Variants in TENM3 observed in about 807,000 individuals in gnomAD.
TENM3 encodes teneurin-3.
Under a neutral mutation model 255.1 loss-of-function variants are expected in TENM3, and 63 were observed. The observed-to-expected ratio is 0.25, with a 90% CI of 0.20 to 0.30. TENM3 has a LOEUF of 0.30. TENM3 is among the 10% of genes least tolerant of loss of function. TENM3 has a pLI of 1.00. For synonymous variants in TENM3, 1,306 were observed against 1,322.3 expected, an observed-to-expected ratio of 0.99 and a Z score of 0.27; for missense variants, 2,929 against 3,461.1, an observed-to-expected ratio of 0.85 and a Z score of 3.86.
chr4:181,933,365 T>G, the TENM3 span, among the ~76,000 whole-genome samples: 1 of 152,322 alleles, frequency 6.6e-6, no homozygotes, highest in East Asian at 1.9e-4. Flanking sequence ...GCCAATCATC[T>G]ACTAAATGCA....
the TENM3 span, among the ~76,000 whole-genome samples, chr4:181,849,949 T>TCTCTCTCTCTCTCTCACACACACACACA: frequency 1.4e-4 from 9 of 65,964 alleles, no homozygotes; most frequent in Admixed American, 3.8e-4. Context: ...TCTCTCTCTC[T>TCTCTCTCTCTCTCTCACACACACACACA]CACACACACA....
At chr4:181,622,165 A>G in the TENM3 span, among the ~76,000 whole-genome samples, 1 of 152,116 alleles carries the variant, frequency 6.6e-6, no homozygotes, top group Non-Finnish European at 1.5e-5. Context: ...GATGTCCTAC[A>G]TGGTCAACTG....
chr4:182,175,611 G>A (rs1014680733), intron 1 of TENM3, among the ~76,000 whole-genome samples: 1 of 152,142 alleles, frequency 6.6e-6, no homozygotes, highest in African/African-American at 2.4e-5. Flanking sequence ...GGTTTTGACT[G>A]TCTTATTGTC....
At chr4:181,536,097 T>G in the TENM3 span, among the ~76,000 whole-genome samples, 1 of 152,218 alleles carries the variant, frequency 6.6e-6, no homozygotes, top group Admixed American at 6.5e-5. Flanking sequence ...CTCCGACTTG[T>G]TTGCTACTGA....
chr4:182,683,073 G>A (rs1335990180), intron 11 of TENM3, among the ~76,000 whole-genome samples: 1 of 152,110 alleles, frequency 6.6e-6, no homozygotes, highest in Non-Finnish European at 1.5e-5. Context: ...TTGGCTAGGT[G>A]AACAGTATTA....
chr4:181,891,479 C>T, the TENM3 span, among the ~76,000 whole-genome samples: 1 of 152,166 alleles, frequency 6.6e-6, no homozygotes, highest in Admixed American at 6.5e-5. Flanking sequence ...CTTGGCTTCT[C>T]TTAGCCATCC....
At chr4:182,123,893 C>T in the TENM3 span, among the ~76,000 whole-genome samples, 844 of 152,154 alleles carry the variant, frequency 5.5e-3, 7 homozygotes, top group African/African-American at 0.019. Context: ...AGAGTGACAG[C>T]GTGGGGGAGT....
the TENM3 span, among the ~76,000 whole-genome samples, chr4:181,613,603 C>T: frequency 6.6e-6 from 1 of 152,164 alleles, no homozygotes; most frequent in South Asian, 2.1e-4. Context: ...TATTATGTCT[C>T]TCTGCCTCAG....
the TENM3 span, among the ~76,000 whole-genome samples, chr4:181,563,155 C>G: frequency 6.6e-6 from 1 of 152,194 alleles, no homozygotes; most frequent in African/African-American, 2.4e-5. Flanking sequence ...CATTGCCTCA[C>G]AGTTTTGGGG....
intron 3 of TENM3, among the ~76,000 whole-genome samples, chr4:182,535,626 A>G (rs1740225757): frequency 6.6e-6 from 1 of 151,884 alleles, no homozygotes; most frequent in African/African-American, 2.4e-5. Context: ...CTGCCGTCCT[A>G]CTACTCCAGA....
chr4:182,680,347 G>A lies in TENM3; in HGVS notation c.1637G>A (p.Arg546Lys). The change falls in exon 9 of 28, where the codon AGA (arginine) becomes AAA (lysine). Residue 546 changes from arginine to lysine, a missense_variant and splice_region_variant. Arg to Lys is a conservative substitution (Grantham distance 26). This residue lies in a region of TENM3 where 1,608 missense variants were observed against 1,884.4 expected (regional missense o/e 0.85). Transcript: ENST00000511685. ...FPGFLGPDCS[R>K]AACPVLCSGN... ...GGATTTCTGGGTCCGGATTGTTCAAGAGGTATGCAAGTTAGATTCTTCTCT... is the reference window on the plus strand; with the variant it reads ...GGATTTCTGGGTCCGGATTGTTCAAAAGGTATGCAAGTTAGATTCTTCTCT... 1 of 1,597,982 alleles carries A rather than the reference G, an allele frequency of 6.3e-7. No individual in the cohort carries two copies. The highest frequency in any genetic ancestry group is 2.2e-5 in the East Asian group (1 of 44,544).
intron 1 of TENM3, among the ~76,000 whole-genome samples, chr4:182,156,458 G>T (rs13116933): frequency 0.043 from 6,595 of 151,964 alleles, 179 homozygotes; most frequent in Non-Finnish European, 0.069. Context: ...CTCGTCACCC[G>T]GGCAGTGAGC....
the TENM3 span, among the ~76,000 whole-genome samples, chr4:181,675,421 G>A: frequency 3.3e-5 from 5 of 151,800 alleles, no homozygotes; most frequent in African/African-American, 1.2e-4. Flanking sequence ...TCACTAATAT[G>A]ACTTACAAAC....
chr4:182,788,313 A>T (rs989461438), intron 24 of TENM3, among the ~76,000 whole-genome samples: 1 of 152,166 alleles, frequency 6.6e-6, no homozygotes, highest in South Asian at 2.1e-4. Context: ...TCGGGACCAC[A>T]TTTCTATTGC....
chr4:181,921,575 G>A, the TENM3 span, among the ~76,000 whole-genome samples: 1 of 152,010 alleles, frequency 6.6e-6, no homozygotes, highest in Non-Finnish European at 1.5e-5. Flanking sequence ...GATTTTTGTA[G>A]ATTGATTTTG....
intron 1 of TENM3, among the ~76,000 whole-genome samples, chr4:182,262,875 G>A (rs947396861): frequency 4.0e-5 from 6 of 151,792 alleles, no homozygotes; most frequent in Admixed American, 6.6e-5. Flanking sequence ...CACCACGCCC[G>A]GCTAATTGTT....
At chr4:182,066,599 A>AAAAAAATATATAT in the TENM3 span, among the ~76,000 whole-genome samples, 1 of 137,106 alleles carries the variant, frequency 7.3e-6, no homozygotes, top group Non-Finnish European at 1.5e-5. Context: ...GTAAAAAAAA[A>AAAAAAATATATAT]ATATATATAT....
intron 2 of TENM3, among the ~76,000 whole-genome samples, chr4:182,328,106 T>G (rs1763525953): frequency 6.6e-6 from 1 of 152,060 alleles, no homozygotes; most frequent in Non-Finnish European, 1.5e-5. Context: ...TATATAAGAG[T>G]TAGTCAATAA....
the TENM3 span, among the ~76,000 whole-genome samples, chr4:181,967,374 G>A: frequency 5.3e-5 from 8 of 152,138 alleles, no homozygotes; most frequent in East Asian, 3.9e-4. Flanking sequence ...GGGGCTTTGC[G>A]TTTTGTGTGT....
Sources: allele counts gnomAD v4.1 joint callset (sites outside exome capture counted in the v4.1 genomes callset), GRCh38; gene constraint gnomAD v4.1.1; regional missense constraint gnomAD v4.1.1; transcripts MANE v1.5; gene names NCBI Gene and HGNC (gene_info 2026-07-23, HGNC 2026-07-21).